Variants in ARHGAP26 observed in about 807,000 individuals in gnomAD.
ARHGAP26 encodes rho GTPase-activating protein 26.
In ARHGAP26, 38 loss-of-function variants were observed where a neutral mutation model predicts 104.8. The ratio of observed to expected loss-of-function variants is 0.36; its 90% CI spans 0.28 to 0.48. The LOEUF is 0.48. Ranked by LOEUF, ARHGAP26 falls within the 20% of genes least tolerant of loss-of-function variation. The pLI is 0.99. For missense variants in ARHGAP26, 704 were observed against 947.9 expected (o/e 0.74, Z 3.38); for synonymous variants, 341 against 340.0 (o/e 1.00, Z -0.03).
In ARHGAP26 at chr5:142,770,565, C is replaced by T. The variant is rs942293765; in HGVS notation, c.-197C>T. The T allele has an allele frequency of 4.4e-6, 1 of 227,156 alleles. No individual in the cohort carries two copies. Among genetic ancestry groups the T allele is most frequent in the South Asian group, 1.7e-4 (1 of 5,984 alleles). The allele number at this position is 227,156 out of a possible 1,614,324, so 14.1% of individuals were successfully genotyped here. ...CCGTTGCCCGCGCCCGGAACAGCAG[C>T]ACCTCGGCCGGGTCCGAGCTCGGTT... On this transcript the variant is annotated 5_prime_UTR_variant, in exon 1 of 23. Coordinates refer to ENST00000645722, the MANE Select transcript of ARHGAP26 (RefSeq NM_001135608.3).
intron 11 of ARHGAP26, among the ~76,000 whole-genome samples, chr5:142,992,439 TA>T (rs201854822): frequency 1.2e-4 from 18 of 151,278 alleles, no homozygotes; most frequent in Admixed American, 1.1e-3. Context: ...TTTTATTTTT[TA>T]TTTTTTTTTT....
chr5:143,119,659 C>T (rs1353906877), intron 17 of ARHGAP26, among the ~76,000 whole-genome samples: 1 of 152,156 alleles, frequency 6.6e-6, no homozygotes, highest in Non-Finnish European at 1.5e-5. Context: ...CTCCCTGCTG[C>T]AGGTGTTGCT....
chr5:142,854,108 A>G (rs1276885708), intron 1 of ARHGAP26, among the ~76,000 whole-genome samples: 1 of 152,236 alleles, frequency 6.6e-6, no homozygotes, highest in East Asian at 1.9e-4. Context: ...TTGTCACACA[A>G]AAAACTGCAT....
At chr5:142,937,052 G>C (rs42465) in intron 11 of ARHGAP26, among the ~76,000 whole-genome samples, 11,570 of 152,162 alleles carry the variant, frequency 0.076, 665 homozygotes, top group East Asian at 0.27. Context: ...TGCTTTGTGT[G>C]TGAAAGACCC....
chr5:142,984,756 A>T (rs761834086), intron 11 of ARHGAP26, among the ~76,000 whole-genome samples: 1 of 152,202 alleles, frequency 6.6e-6, no homozygotes, highest in Non-Finnish European at 1.5e-5. Flanking sequence ...GCAACACATC[A>T]TTCATGTGTT....
At chr5:143,174,534 A>G (rs766889458) in intron 20 of ARHGAP26, among the ~76,000 whole-genome samples, 1 of 152,220 alleles carries the variant, frequency 6.6e-6, no homozygotes, top group African/African-American at 2.4e-5. Flanking sequence ...CTACCCTTTT[A>G]TACTGATACC....
chr5:142,920,304 G>A (rs990287158), intron 10 of ARHGAP26, among the ~76,000 whole-genome samples: 1 of 152,212 alleles, frequency 6.6e-6, no homozygotes, highest in Non-Finnish European at 1.5e-5. Flanking sequence ...CCGTCATGCA[G>A]TGTCTTAAGG....
chr5:143,150,377 C>A (rs1409009185), intron 20 of ARHGAP26, among the ~76,000 whole-genome samples: 1 of 152,220 alleles, frequency 6.6e-6, no homozygotes. Context: ...CTAATGGGGA[C>A]TTACAAGTCA....
At chr5:143,094,679 ACG>A (rs1420396881) in intron 17 of ARHGAP26, among the ~76,000 whole-genome samples, 1 of 152,242 alleles carries the variant, frequency 6.6e-6, no homozygotes, top group Non-Finnish European at 1.5e-5. Context: ...TATCCCTGAC[ACG>A]TGTGGCCCCT....
intron 1 of ARHGAP26, among the ~76,000 whole-genome samples, chr5:142,863,850 C>T (rs1177354655): frequency 2.6e-5 from 4 of 152,148 alleles, no homozygotes; most frequent in African/African-American, 9.7e-5. Flanking sequence ...AAAAGGCATT[C>T]CAGAAACAAA....
chr5:143,195,517 C>T (rs1806688852), intron 20 of ARHGAP26, among the ~76,000 whole-genome samples: 1 of 152,152 alleles, frequency 6.6e-6, no homozygotes, highest in African/African-American at 2.4e-5. Context: ...ACATGTTGTG[C>T]AGCTTACTCA....
intron 20 of ARHGAP26, among the ~76,000 whole-genome samples, chr5:143,195,420 C>T (rs1214175605): frequency 6.6e-6 from 1 of 152,066 alleles, no homozygotes; most frequent in East Asian, 1.9e-4. Context: ...TTTTTCCTCC[C>T]CCTAGTCCAA....
chr5:142,785,386 T>G (rs1461144460), intron 1 of ARHGAP26, among the ~76,000 whole-genome samples: 1 of 152,244 alleles, frequency 6.6e-6, no homozygotes, highest in Non-Finnish European at 1.5e-5. Context: ...TCACACATTC[T>G]TGTCCTCTGA....
intron 1 of ARHGAP26, among the ~76,000 whole-genome samples, chr5:142,865,805 G>A (rs943333055): frequency 6.6e-6 from 1 of 152,268 alleles, no homozygotes; most frequent in African/African-American, 2.4e-5. Flanking sequence ...TTGGCATACA[G>A]GTCCTTCCAT....
intron 6 of ARHGAP26, among the ~76,000 whole-genome samples, chr5:142,896,022 G>T (rs1759433090): frequency 6.6e-6 from 1 of 152,098 alleles, no homozygotes; most frequent in Admixed American, 6.5e-5. Context: ...TTCAGTCAAG[G>T]TCCCAAGTCA....
At chr5:142,863,340 C>CTCG (rs1490010347) in intron 1 of ARHGAP26, among the ~76,000 whole-genome samples, 10 of 152,162 alleles carry the variant, frequency 6.6e-5, no homozygotes, top group African/African-American at 2.4e-4. Context: ...AACTCCTGAC[C>CTCG]TCGTGATCCG....
chr5:142,779,423 T>TGG (rs1226643515), intron 1 of ARHGAP26, among the ~76,000 whole-genome samples: 1 of 123,914 alleles, frequency 8.1e-6, no homozygotes, highest in African/African-American at 5.7e-5. Context: ...GGGGTTAGGG[T>TGG]GGTGTGTGTG....
intron 9 of ARHGAP26, among the ~76,000 whole-genome samples, chr5:142,909,344 C>T (rs537999636): frequency 2.7e-4 from 41 of 152,306 alleles, no homozygotes; most frequent in African/African-American, 9.9e-4. Flanking sequence ...CATTTTTATG[C>T]AACATGTTGA....
At chr5:143,060,551 G>C (rs1233791114) in intron 17 of ARHGAP26, among the ~76,000 whole-genome samples, 1 of 151,908 alleles carries the variant, frequency 6.6e-6, no homozygotes, top group Non-Finnish European at 1.5e-5. Context: ...AGACCTCAGA[G>C]GGAACATAAA....
Sources: allele counts gnomAD v4.1 joint callset (sites outside exome capture counted in the v4.1 genomes callset), GRCh38; gene constraint gnomAD v4.1.1; transcripts MANE v1.5; gene names NCBI Gene and HGNC (gene_info 2026-07-23, HGNC 2026-07-21).